The following COP1 variants were observed in gnomAD, a reference collection of about 807,000 sequenced individuals.
The protein encoded by COP1 is E3 ubiquitin-protein ligase COP1.
Under a neutral mutation model 101.3 loss-of-function variants are expected in COP1, and 24 were observed. The ratio of observed to expected loss-of-function variants is 0.24; its 90% CI spans 0.17 to 0.33. COP1 has a LOEUF of 0.33. Among genes scored for constraint, COP1 ranks in the 10% least tolerant of loss-of-function variants. COP1 has a pLI of 1.00. For missense variants in COP1, 663 were observed against 906.2 expected (o/e 0.73, Z 3.45); for synonymous variants, 347 against 341.9 (o/e 1.01, Z -0.17).
chr1:175,987,186 A>T (rs1368515204), intron 17 of COP1, 83 bp from the exon 18 acceptor site: 1 of 696,956 alleles, frequency 1.4e-6, no homozygotes, highest in African/African-American at 1.8e-5. Flanking sequence ...ATTATCAGCC[A>T]AAGTTATAGT....
At chr1:176,005,932 TA>T (rs1162460768) in intron 15 of COP1, among the ~76,000 whole-genome samples, 1 of 152,160 alleles carries the variant, frequency 6.6e-6, no homozygotes, top group African/African-American at 2.4e-5. Context: ...TTGATCTGTC[TA>T]ATGTTGACAG....
chr1:176,096,076 T>C (rs2149478245), intron 9 of COP1, among the ~76,000 whole-genome samples: 1 of 152,316 alleles, frequency 6.6e-6, no homozygotes, highest in Admixed American at 6.5e-5. Context: ...TCCACTTTCC[T>C]CATCCTTCTA....
chr1:175,953,307 A>G (rs185901263), intron 18 of COP1, among the ~76,000 whole-genome samples: 1 of 152,234 alleles, frequency 6.6e-6, no homozygotes, highest in East Asian at 1.9e-4. Context: ...AAGAAAGGAA[A>G]TGAGGAACAT....
chr1:175,984,083 A>G lies in COP1; in HGVS notation c.2133+2860T>C, dbSNP rs554204339. On this transcript the variant is annotated intron_variant, in intron 18 of 19. Coordinates refer to ENST00000367669, the MANE Select transcript of COP1 (RefSeq NM_022457.7). ...ATTCAAGCTGGCTGCAGAAATTTGC[A>G]TAAGTAACATGGAGCTGAATGTTAA... 4.6e-5 allele frequency among the ~76,000 whole-genome samples: 7 copies of G among 152,356 alleles called. No individual in the cohort carries two copies. In the South Asian group the frequency reaches 1.4e-3, roughly 32 times the overall value.
At chr1:176,142,961 C>T (rs1690931983) in intron 6 of COP1, among the ~76,000 whole-genome samples, 1 of 150,808 alleles carries the variant, frequency 6.6e-6, no homozygotes, top group South Asian at 2.1e-4. Flanking sequence ...TAGGAAGGAA[C>T]AAAAAAGTAA....
Position 176,188,834 on chromosome 1 carries a change from TACACACACACAC to T in COP1, c.408-4154_408-4143del, listed in dbSNP as rs10637320. ...CAGCCTAAGTGACAAAACACATAGA[TACACACACACAC>T]ACACACACACACAGACAGAGAACAA... On this transcript the variant is annotated intron_variant, in intron 1 of 19. Transcript: ENST00000367669. Among the ~76,000 whole-genome samples the T allele has an allele frequency of 2.1e-3, 319 of 148,508 alleles. 1 individual carries two copies. Among genetic ancestry groups the T allele is most frequent in the African/African-American group, 7.5e-3 (303 of 40,170 alleles).
chr1:176,176,149 C>T (rs1696903294), intron 2 of COP1, 142 bp from the exon 3 acceptor site: 3 of 555,460 alleles, frequency 5.4e-6, no homozygotes, highest in African/African-American at 1.9e-5. Flanking sequence ...TATATTTTTA[C>T]ATTATCAACA....
chr1:176,131,591 G>A (rs1293244015), intron 8 of COP1, among the ~76,000 whole-genome samples: 1 of 151,386 alleles, frequency 6.6e-6, no homozygotes, highest in Non-Finnish European at 1.5e-5. Flanking sequence ...TTTTTAGTGA[G>A]GAATAAGAAC....
chr1:176,130,774 G>A (rs1553278218), intron 8 of COP1, among the ~76,000 whole-genome samples: 1 of 151,438 alleles, frequency 6.6e-6, no homozygotes, highest in Admixed American at 6.6e-5. Flanking sequence ...AAATGTGGAA[G>A]TATAAGAAAA....
rs976593352 is a variant in COP1, at chr1:176,026,195, A to G, written c.1729+1377T>C. The stretch of plus-strand genomic sequence containing the variant: ...TATTTTCCAAGAAGGAGAAAATTTG[A>G]TAATATTCATATCTGGCATTGGTAC... On this transcript the variant is annotated intron_variant, in intron 15 of 19. Coordinates refer to ENST00000367669, the MANE Select transcript of COP1 (RefSeq NM_022457.7). 3.9e-5 allele frequency among the ~76,000 whole-genome samples: 6 copies of G among 152,240 alleles called. No homozygotes were observed. In the East Asian group the frequency reaches 7.7e-4, roughly 20 times the overall value.
chr1:176,080,760 T>C (rs1040429670), intron 11 of COP1, among the ~76,000 whole-genome samples: 1 of 152,208 alleles, frequency 6.6e-6, no homozygotes, highest in African/African-American at 2.4e-5. Flanking sequence ...CTTAAGCAAA[T>C]TGAATTGGTA....
At chr1:176,074,146 G>T (rs992485002) in intron 11 of COP1, among the ~76,000 whole-genome samples, 6 of 152,068 alleles carry the variant, frequency 3.9e-5, no homozygotes, top group African/African-American at 1.4e-4. Flanking sequence ...AGGCTGGTCT[G>T]GAACTCCTGG....
intron 10 of COP1, among the ~76,000 whole-genome samples, chr1:176,081,826 T>C (rs191679001): frequency 0.012 from 1,758 of 152,244 alleles, 33 homozygotes; most frequent in African/African-American, 0.037. Flanking sequence ...AACTGCAATG[T>C]TATGAACTAT....
chr1:176,091,690 G>GAAT (rs1681349180), intron 9 of COP1, among the ~76,000 whole-genome samples: 1 of 151,988 alleles, frequency 6.6e-6, no homozygotes, highest in Non-Finnish European at 1.5e-5. Flanking sequence ...CACAGTGATA[G>GAAT]AACAGGTAAC....
chr1:175,980,630 T>C (rs1198508659), intron 18 of COP1, among the ~76,000 whole-genome samples: 1 of 152,000 alleles, frequency 6.6e-6, no homozygotes, highest in African/African-American at 2.4e-5. Flanking sequence ...ACTTTTAATA[T>C]GATTCCTGAT....
intron 9 of COP1, among the ~76,000 whole-genome samples, chr1:176,099,710 T>C (rs1683051940): frequency 6.6e-6 from 1 of 151,938 alleles, no homozygotes; most frequent in Non-Finnish European, 1.5e-5. Context: ...CTTTAAGGAG[T>C]CAAGCTCGAC....
intron 9 of COP1, among the ~76,000 whole-genome samples, chr1:176,113,161 C>G (rs1277000859): frequency 6.6e-6 from 1 of 152,118 alleles, no homozygotes; most frequent in African/African-American, 2.4e-5. Flanking sequence ...ACTTTACATT[C>G]TCATCAGTAT....
intron 11 of COP1, among the ~76,000 whole-genome samples, chr1:176,074,178 C>A (rs1284672669): frequency 6.6e-6 from 1 of 152,146 alleles, no homozygotes; most frequent in Non-Finnish European, 1.5e-5. Flanking sequence ...CTGCCTGCCT[C>A]GGCCCCGCAA....
intron 18 of COP1, among the ~76,000 whole-genome samples, chr1:175,951,437 AATATATATAT>A (rs765055146): frequency 9.3e-6 from 1 of 108,016 alleles, no homozygotes; most frequent in South Asian, 3.4e-4. Context: ...AAGATACGTG[AATATATATAT>A]ATATATATAT....
Sources: gnomAD v4.1 joint callset for allele counts (sites outside exome capture counted in the v4.1 genomes callset) on GRCh38, gnomAD v4.1.1 for gene constraint, MANE v1.5 for transcripts, NCBI Gene and HGNC (gene_info 2026-07-23, HGNC 2026-07-21) for gene names.